NPSR1: variants seen among roughly 807,000 people sequenced by gnomAD.
The protein encoded by NPSR1 is neuropeptide S receptor.
NPSR1 carries 48 observed loss-of-function variants against 46.9 expected under a neutral mutation model. That is an observed-to-expected ratio of 1.02 (90% CI 0.81 to 1.30). The LOEUF (loss-of-function observed/expected upper bound fraction) is 1.30. Among genes scored for constraint, NPSR1 ranks in the 50% most tolerant of loss-of-function variants. The pLI is 0.00. For missense variants in NPSR1, 450 were observed against 449.5 expected (o/e 1.00, Z -0.01); for synonymous variants, 176 against 168.1 (o/e 1.05, Z -0.36).
intron 2 of NPSR1, among the ~76,000 whole-genome samples, chr7:34,736,228 C>T (rs909525975): frequency 3.9e-5 from 6 of 152,174 alleles, no homozygotes; most frequent in Non-Finnish European, 5.9e-5. Context: ...GAAACAACCT[C>T]TCTGCCCTCC....
At chr7:34,741,583 G>T (rs1260112274) in intron 2 of NPSR1, among the ~76,000 whole-genome samples, 4 of 152,090 alleles carry the variant, frequency 2.6e-5, no homozygotes, top group African/African-American at 9.7e-5. Flanking sequence ...AATATTCTAA[G>T]TTAGGTAAAA....
At chr7:34,750,476 G>T (rs999533924) in intron 2 of NPSR1, 7 of 727,392 alleles carry the variant, frequency 9.6e-6, no homozygotes, top group Non-Finnish European at 1.5e-5. Context: ...AGAAGCCAGA[G>T]GCTGGTGCCT....
chr7:34,815,080 C>G (rs1030947654), intron 4 of NPSR1, among the ~76,000 whole-genome samples: 2 of 152,152 alleles, frequency 1.3e-5, no homozygotes, highest in Non-Finnish European at 2.9e-5. Context: ...GACGAGTTGA[C>G]AGAAGTAGGC....
intron 2 of NPSR1, among the ~76,000 whole-genome samples, chr7:34,720,316 A>G (rs2128707239): frequency 6.6e-6 from 1 of 151,826 alleles, no homozygotes; most frequent in Non-Finnish European, 1.5e-5. Context: ...GCAAGGCAGA[A>G]GCATGGAGCC....
intron 2 of NPSR1, among the ~76,000 whole-genome samples, chr7:34,693,077 T>C (rs1793347055): frequency 1.3e-5 from 2 of 152,078 alleles, no homozygotes; most frequent in South Asian, 2.1e-4. Flanking sequence ...TGCACCCCCC[T>C]GCTCTCTCTC....
At chr7:34,839,170 G>A (rs1790483561) in intron 6 of NPSR1, among the ~76,000 whole-genome samples, 1 of 152,206 alleles carries the variant, frequency 6.6e-6, no homozygotes, top group Admixed American at 6.5e-5. Flanking sequence ...AATAAAAGAT[G>A]TGACAGAAAA....
intron 2 of NPSR1, among the ~76,000 whole-genome samples, chr7:34,733,721 C>A (rs1477024622): frequency 6.6e-6 from 1 of 152,146 alleles, no homozygotes; most frequent in Non-Finnish European, 1.5e-5. Flanking sequence ...ACACTCATTG[C>A]TATTTAAATT....
At chr7:34,858,709 A>C (rs1043081383) in intron 8 of NPSR1, among the ~76,000 whole-genome samples, 1 of 151,800 alleles carries the variant, frequency 6.6e-6, no homozygotes, top group African/African-American at 2.4e-5. Flanking sequence ...AAGCTTATGC[A>C]AAGAAACTCC....
intron 2 of NPSR1, among the ~76,000 whole-genome samples, chr7:34,732,709 T>C (rs1784481259): frequency 6.6e-6 from 1 of 152,238 alleles, no homozygotes; most frequent in Non-Finnish European, 1.5e-5. Flanking sequence ...GACTCACTCA[T>C]GCTTGAAAGG....
intron 2 of NPSR1, among the ~76,000 whole-genome samples, chr7:34,721,937 TAATGA>T (rs957639780): frequency 5.2e-4 from 79 of 152,280 alleles, no homozygotes; most frequent in African/African-American, 1.7e-3. Context: ...AATGTAGCTA[TAATGA>T]AATGATATTG....
intron 2 of NPSR1, among the ~76,000 whole-genome samples, chr7:34,700,363 C>G (rs1394654363): frequency 6.6e-6 from 1 of 152,116 alleles, no homozygotes; most frequent in Non-Finnish European, 1.5e-5. Flanking sequence ...CAAACATGGC[C>G]ACAATAATGG....
At chr7:34,828,013 G>C (rs560376142) in intron 5 of NPSR1, among the ~76,000 whole-genome samples, 4 of 151,922 alleles carry the variant, frequency 2.6e-5, no homozygotes, top group Non-Finnish European at 4.4e-5. Context: ...TTTATATCTC[G>C]CAGCCTTCCA....
At chr7:34,869,470 TCTGA>T (rs553024190) in intron 8 of NPSR1, among the ~76,000 whole-genome samples, 4 of 151,830 alleles carry the variant, frequency 2.6e-5, no homozygotes, top group African/African-American at 9.7e-5. Flanking sequence ...GCAGTAGTCT[TCTGA>T]CTGTCACCAG....
chr7:34,846,192 TG>T (rs2128764190), intron 7 of NPSR1, among the ~76,000 whole-genome samples: 2 of 152,282 alleles, frequency 1.3e-5, no homozygotes, highest in South Asian at 4.1e-4. Context: ...GCACCTTCCC[TG>T]GATGTTGAGT....
chr7:34,812,872 C>T (rs1184438523), intron 4 of NPSR1, among the ~76,000 whole-genome samples: 1 of 152,058 alleles, frequency 6.6e-6, no homozygotes, highest in Non-Finnish European at 1.5e-5. Context: ...CAGATAATAC[C>T]TTTAAAATCT....
chr7:34,691,159 T>C (rs1214162187), intron 2 of NPSR1, among the ~76,000 whole-genome samples: 1 of 152,178 alleles, frequency 6.6e-6, no homozygotes, highest in African/African-American at 2.4e-5. Context: ...AATCAAGTCT[T>C]AACCAGACAA....
chr7:34,825,109 A>G (rs1789758783), intron 4 of NPSR1, among the ~76,000 whole-genome samples: 1 of 152,026 alleles, frequency 6.6e-6, no homozygotes, highest in Non-Finnish European at 1.5e-5. Flanking sequence ...CTTTTTAGGT[A>G]CCTCATGGCC....
intron 1 of NPSR1, among the ~76,000 whole-genome samples, chr7:34,665,928 C>G (rs561589296): frequency 6.6e-6 from 1 of 152,270 alleles, no homozygotes; most frequent in East Asian, 1.9e-4. Context: ...TTAGATCCTA[C>G]TATTCCTAGT....
chr7:34,853,973 A>AC (rs980383356), downstream of NPSR1, among the ~76,000 whole-genome samples: 30 of 151,834 alleles, frequency 2.0e-4, no homozygotes, highest in African/African-American at 5.6e-4. Flanking sequence ...CCTGGAAAAA[A>AC]AAAAAACAAA....
Sources: allele counts gnomAD v4.1 joint callset (sites outside exome capture counted in the v4.1 genomes callset), GRCh38; gene constraint gnomAD v4.1.1; transcripts MANE v1.5; gene names NCBI Gene and HGNC (gene_info 2026-07-23, HGNC 2026-07-21).